TTC39B: variants seen among roughly 807,000 people sequenced by gnomAD.
The protein encoded by TTC39B is tetratricopeptide repeat protein 39B.
Under a neutral mutation model 96.6 loss-of-function variants are expected in TTC39B, and 92 were observed. The ratio of observed to expected loss-of-function variants is 0.95; its 90% CI spans 0.80 to 1.13. The LOEUF is 1.13. TTC39B is among the 50% of genes most tolerant of loss of function. The pLI is 0.00. For synonymous variants in TTC39B, 367 were observed against 299.4 expected, an observed-to-expected ratio of 1.23 and a Z score of -2.33; for missense variants, 955 against 809.3, an observed-to-expected ratio of 1.18 and a Z score of -2.18.
At chr9:15,296,745 C>A (rs1824393605) in intron 1 of TTC39B, among the ~76,000 whole-genome samples, 1 of 152,194 alleles carries the variant, frequency 6.6e-6, no homozygotes, top group Admixed American at 6.5e-5. Context: ...TACCCCCCTG[C>A]CTCGGCCTCC....
At chr9:15,192,074 G>T (rs939792786) in intron 9 of TTC39B, among the ~76,000 whole-genome samples, 1 of 152,182 alleles carries the variant, frequency 6.6e-6, no homozygotes, top group Non-Finnish European at 1.5e-5. Context: ...AGTGGCCATA[G>T]TGGCACATTC....
At chr9:15,229,698 C>G (rs960273016) in intron 2 of TTC39B, among the ~76,000 whole-genome samples, 5 of 152,202 alleles carry the variant, frequency 3.3e-5, no homozygotes, top group Admixed American at 3.3e-4. Context: ...ATTTTCCATA[C>G]GTGCTCAGGT....
chr9:15,224,877 T>C (rs1348649143), intron 3 of TTC39B, among the ~76,000 whole-genome samples: 1 of 152,154 alleles, frequency 6.6e-6, no homozygotes, highest in African/African-American at 2.4e-5. Context: ...TTTCTATATA[T>C]TGCGAGGGTA....
chr9:15,199,957 T>G (rs1191064866), intron 7 of TTC39B, 32 bp from the exon 8 acceptor site: 1 of 1,366,680 alleles, frequency 7.3e-7, no homozygotes, highest in African/African-American at 1.5e-5. Flanking sequence ...AATTAGATTA[T>G]TTAGCAAAAA....
chr9:15,185,274 A>G lies in TTC39B; in HGVS notation c.1614+6T>C. 1 of 1,602,602 alleles carries G rather than the reference A, an allele frequency of 6.2e-7. No individual in the cohort carries two copies. On this transcript the variant is annotated splice_donor_region_variant and intron_variant, in intron 16 of 19. Coordinates refer to ENST00000512701, the Ensembl canonical transcript of TTC39B. ...TAGTACATGAAAAGAAAATAAAAGC[A>G]GATACCAGGGCAGGTAAGATGAGCT...
chr9:15,177,791 C>A, exon 18 of TTC39B: 2 of 1,608,726 alleles, frequency 1.2e-6, no homozygotes, highest in Non-Finnish European at 1.7e-6. Flanking sequence ...AAGCACTCAT[C>A]ATCCACAGAG....
chr9:15,218,547 T>C (rs1200930585), intron 3 of TTC39B, among the ~76,000 whole-genome samples: 1 of 152,016 alleles, frequency 6.6e-6, no homozygotes, highest in East Asian at 1.9e-4. Flanking sequence ...CTTCATAATA[T>C]ATATCTTCAG....
At chr9:15,250,132 T>G (rs1249862330) in intron 2 of TTC39B, 8 of 1,238,098 alleles carry the variant, frequency 6.5e-6, no homozygotes, top group Non-Finnish European at 8.3e-6. Flanking sequence ...CCGAGGCAGC[T>G]GACAGCATCC....
At chr9:15,231,394 A>C (rs532457901) in intron 2 of TTC39B, among the ~76,000 whole-genome samples, 1 of 152,214 alleles carries the variant, frequency 6.6e-6, no homozygotes, top group Non-Finnish European at 1.5e-5. Context: ...GTTTTTGTCC[A>C]TGAGATATGG....
chr9:15,192,835 C>T, intron 8 of TTC39B, 140 bp from the exon 9 acceptor site: 1 of 609,136 alleles, frequency 1.6e-6, no homozygotes, highest in Non-Finnish European at 2.8e-6. Context: ...TGATGCTGTG[C>T]TGAGTTTACT....
chr9:15,256,169 CCTTTTTCCTTCTT>C lies in TTC39B; in HGVS notation c.275+11732_275+11744del, dbSNP rs534014728. On this transcript the variant is annotated intron_variant, in intron 2 of 19. Coordinates refer to ENST00000512701, the Ensembl canonical transcript of TTC39B. ...AAAAAGCTTGAGGGAGTCTCTTTGC[CCTTTTTCCTTCTT>C]CTTTTTTTTTTCTTTCCCCTCTTTC... is the stretch of plus-strand genomic sequence containing the variant. 2.0e-4 allele frequency among the ~76,000 whole-genome samples: 31 copies of C among 152,140 alleles called. 1 individual carries two copies. The South Asian group carries it at 4.8e-3, about 23-fold the overall frequency.
chr9:15,207,445 C>A (rs774202230), intron 6 of TTC39B, among the ~76,000 whole-genome samples: 37 of 152,206 alleles, frequency 2.4e-4, no homozygotes, highest in Admixed American at 7.9e-4. Context: ...TTATTTCCTT[C>A]ATCCGTATAT....
chr9:15,251,186 A>T (rs1335473305), intron 2 of TTC39B, among the ~76,000 whole-genome samples: 1 of 151,948 alleles, frequency 6.6e-6, no homozygotes, highest in Non-Finnish European at 1.5e-5. Context: ...ACAGAGCGAG[A>T]CTCCATCTCA....
chr9:15,279,471 T>C (rs1307656380), intron 1 of TTC39B, among the ~76,000 whole-genome samples: 1 of 152,214 alleles, frequency 6.6e-6, no homozygotes, highest in African/African-American at 2.4e-5. Context: ...AGAACCACTC[T>C]ATCTGGGTTC....
rs201495495 is a variant in TTC39B, at chr9:15,198,263, C to CA, written c.824+1597_824+1598insT. Among the ~76,000 whole-genome samples, 1,401 of 151,912 alleles carry CA rather than the reference C, an allele frequency of 9.2e-3. 27 individuals are homozygous for CA. The highest frequency in any genetic ancestry group is 0.032 in the African/African-American group (1,318 of 41,320). ...CACGAGGTCAGGAGTTCGAGACCAG[C>CA]CCGGTCAATATGGTGAAACCCCGTC... is the stretch of plus-strand genomic sequence containing the variant. On this transcript the variant is annotated intron_variant, in intron 8 of 19. Coordinates refer to ENST00000512701, the Ensembl canonical transcript of TTC39B.
At chr9:15,303,405 C>G (rs1446980240) in intron 1 of TTC39B, among the ~76,000 whole-genome samples, 1 of 145,726 alleles carries the variant, frequency 6.9e-6, no homozygotes, top group Non-Finnish European at 1.5e-5. Context: ...GAAACGGGGT[C>G]TGTCACCCAG....
intron 7 of TTC39B, among the ~76,000 whole-genome samples, chr9:15,201,850 T>C (rs1033276907): frequency 6.6e-6 from 1 of 152,152 alleles, no homozygotes; most frequent in Admixed American, 6.5e-5. Context: ...AATACTGCCA[T>C]ACTCAATCAA....
intron 1 of TTC39B, among the ~76,000 whole-genome samples, chr9:15,301,199 C>G (rs1160897705): frequency 6.6e-6 from 1 of 152,162 alleles, no homozygotes; most frequent in Non-Finnish European, 1.5e-5. Context: ...GCCAATCATC[C>G]CTGTTTGTAC....
At chr9:15,188,965 A>T in intron 13 of TTC39B, among the ~76,000 whole-genome samples, 1 of 152,212 alleles carries the variant, frequency 6.6e-6, no homozygotes, top group Non-Finnish European at 1.5e-5. Flanking sequence ...CCATCCCATG[A>T]AATGAAACCC....
Sources: allele counts gnomAD v4.1 joint callset (sites outside exome capture counted in the v4.1 genomes callset), GRCh38; gene constraint gnomAD v4.1.1; transcripts MANE v1.5; gene names NCBI Gene and HGNC (gene_info 2026-07-23, HGNC 2026-07-21).